The following NFIA variants were observed in gnomAD, a reference collection of about 807,000 sequenced individuals.
NFIA encodes the protein nuclear factor 1 A-type.
NFIA carries 8 observed loss-of-function variants against 62.8 expected under a neutral mutation model. The observed-to-expected ratio is 0.13, with a 90% CI of 0.07 to 0.23. The LOEUF (loss-of-function observed/expected upper bound fraction) is 0.23. Ranked by LOEUF, NFIA falls within the 10% of genes least tolerant of loss-of-function variation. The pLI is 1.00. For synonymous variants in NFIA, 235 were observed against 238.1 expected (o/e 0.99, Z 0.12); for missense variants, 410 against 642.1 (o/e 0.64, Z 3.91).
At chr1:61,306,289 T>A (rs2100339736) in intron 3 of NFIA, among the ~76,000 whole-genome samples, 1 of 130,410 alleles carries the variant, frequency 7.7e-6, no homozygotes, top group Non-Finnish European at 1.6e-5. Context: ...TTTTTTTTTT[T>A]TTTTTAAGAC....
intron 2 of NFIA, among the ~76,000 whole-genome samples, chr1:61,269,235 AT>A (rs1430007533): frequency 6.6e-6 from 1 of 152,106 alleles, no homozygotes; most frequent in Non-Finnish European, 1.5e-5. Flanking sequence ...AAAAAAAAGA[AT>A]TGGTTATATT....
intron 2 of NFIA, among the ~76,000 whole-genome samples, chr1:61,118,777 C>T (rs1249817034): frequency 6.6e-6 from 1 of 151,450 alleles, no homozygotes; most frequent in Non-Finnish European, 1.5e-5. Context: ...TTCATATTGG[C>T]GGGAGAGCAG....
chr1:61,248,167 G>C (rs886118214), intron 2 of NFIA, among the ~76,000 whole-genome samples: 2 of 152,148 alleles, frequency 1.3e-5, no homozygotes, highest in African/African-American at 4.8e-5. Context: ...CCCTCAACTA[G>C]CTGTCCCTCC....
intron 2 of NFIA, among the ~76,000 whole-genome samples, chr1:61,159,366 A>G (rs991690276): frequency 1.4e-4 from 22 of 152,280 alleles, no homozygotes; most frequent in Non-Finnish European, 2.4e-4. Flanking sequence ...ATCTACCCCA[A>G]TGCTTTTCAA....
chr1:61,170,464 A>G (rs1024638654), intron 2 of NFIA, among the ~76,000 whole-genome samples: 1 of 152,212 alleles, frequency 6.6e-6, no homozygotes, highest in African/African-American at 2.4e-5. Context: ...CCAGAAATCC[A>G]GCTTGCTAAT....
chr1:61,111,096 A>G (rs1419271509), intron 2 of NFIA, among the ~76,000 whole-genome samples: 1 of 152,146 alleles, frequency 6.6e-6, no homozygotes, highest in African/African-American at 2.4e-5. Context: ...ATATAAGATG[A>G]ATTCTTCACA....
intron 9 of NFIA, among the ~76,000 whole-genome samples, chr1:61,414,858 C>T (rs146892679): frequency 1.3e-5 from 2 of 152,200 alleles, no homozygotes; most frequent in African/African-American, 2.4e-5. Context: ...ATAAAATTCA[C>T]TCTTTAGTGT....
chr1:61,174,349 G>A (rs985725805), intron 2 of NFIA, among the ~76,000 whole-genome samples: 4 of 152,222 alleles, frequency 2.6e-5, no homozygotes, highest in East Asian at 1.9e-4. Flanking sequence ...AGCTGCAAGC[G>A]TGCCTACACA....
At chr1:61,394,116 C>T (rs987241824) in intron 7 of NFIA, among the ~76,000 whole-genome samples, 11 of 152,288 alleles carry the variant, frequency 7.2e-5, no homozygotes, top group African/African-American at 2.6e-4. Flanking sequence ...AATGAGGCAC[C>T]TGTGTACATT....
At chr1:61,167,953 C>T (rs1290446281) in intron 2 of NFIA, among the ~76,000 whole-genome samples, 1 of 152,094 alleles carries the variant, frequency 6.6e-6, no homozygotes, top group African/African-American at 2.4e-5. Flanking sequence ...TTGATGTACA[C>T]TTAATAAGAT....
chr1:61,319,790 A>AACACACACACACACACACACACACACAC (rs58845526), intron 3 of NFIA, among the ~76,000 whole-genome samples: 20 of 139,616 alleles, frequency 1.4e-4, no homozygotes, highest in African/African-American at 4.5e-4. Flanking sequence ...GGAAGAATTA[A>AACACACACACACACACACACACACACAC]ACACACACAC....
chr1:61,196,927 GTGTGT>G (rs1227940129), intron 2 of NFIA, among the ~76,000 whole-genome samples: 1 of 146,904 alleles, frequency 6.8e-6, no homozygotes, highest in East Asian at 2.0e-4. Context: ...GTGTGTGTGT[GTGTGT>G]GTGTGTGTGC....
chr1:61,140,834 G>T (rs761655089), intron 2 of NFIA, among the ~76,000 whole-genome samples: 1 of 152,100 alleles, frequency 6.6e-6, no homozygotes. Context: ...ACAAAAGCAG[G>T]GTGGAGAAAC....
chr1:61,124,425 A>G (rs1206852895), intron 2 of NFIA, among the ~76,000 whole-genome samples: 1 of 152,222 alleles, frequency 6.6e-6, no homozygotes, highest in Non-Finnish European at 1.5e-5. Context: ...AAACAGGAAA[A>G]GTCAATTCTG....
At chr1:61,327,234 A>G (rs1318592822) in intron 3 of NFIA, among the ~76,000 whole-genome samples, 1 of 151,404 alleles carries the variant, frequency 6.6e-6, no homozygotes, top group Non-Finnish European at 1.5e-5. Context: ...TACAGTATAT[A>G]TAAAAATATA....
chr1:61,160,917 T>C (rs548694640), intron 2 of NFIA, among the ~76,000 whole-genome samples: 11 of 152,216 alleles, frequency 7.2e-5, no homozygotes, highest in Admixed American at 6.5e-4. Flanking sequence ...GTAAAATACA[T>C]GTTTTGTTTT....
At chr1:61,395,202 G>A (rs1395375817) in intron 7 of NFIA, among the ~76,000 whole-genome samples, 1 of 151,990 alleles carries the variant, frequency 6.6e-6, no homozygotes, top group African/African-American at 2.4e-5. Flanking sequence ...ACAATTTGGT[G>A]GAGAGAAATG....
At chr1:61,180,009 T>C (rs1351446164) in intron 2 of NFIA, among the ~76,000 whole-genome samples, 1 of 152,172 alleles carries the variant, frequency 6.6e-6, no homozygotes, top group Non-Finnish European at 1.5e-5. Context: ...ATGCATTATG[T>C]GAATTTGGCC....
intron 3 of NFIA, among the ~76,000 whole-genome samples, chr1:61,283,355 G>T (rs1658254108): frequency 6.6e-6 from 1 of 151,372 alleles, no homozygotes; most frequent in South Asian, 2.1e-4. Context: ...TGGATCACTT[G>T]AGGTCAGGAG....
Sources: gnomAD v4.1 joint callset for allele counts (sites outside exome capture counted in the v4.1 genomes callset) on GRCh38, gnomAD v4.1.1 for gene constraint, MANE v1.5 for transcripts, NCBI Gene and HGNC (gene_info 2026-07-23, HGNC 2026-07-21) for gene names.